TMEM30A: variants seen among roughly 807,000 people sequenced by gnomAD.
The protein encoded by TMEM30A is cell cycle control protein 50A.
TMEM30A carries 24 observed loss-of-function variants against 38.2 expected under a neutral mutation model. That is an observed-to-expected ratio of 0.63 (90% CI 0.46 to 0.88). The LOEUF is 0.88. Ranked by LOEUF, TMEM30A falls within the 40% of genes least tolerant of loss-of-function variation. TMEM30A has a pLI of 0.00. For missense variants in TMEM30A, 370 were observed against 458.6 expected (o/e 0.81, Z 1.77); for synonymous variants, 145 against 161.6 (o/e 0.90, Z 0.78).
chr6:75,267,824 T>G (rs1468220575), intron 1 of TMEM30A, 76 bp from the exon 2 acceptor site: 6 of 971,752 alleles, frequency 6.2e-6, no homozygotes, highest in Non-Finnish European at 9.0e-6. Context: ...GACTTGCTAT[T>G]AAAAGGAAAA....
intron 1 of TMEM30A, among the ~76,000 whole-genome samples, chr6:75,282,147 T>C (rs1228869760): frequency 6.6e-6 from 1 of 152,224 alleles, no homozygotes; most frequent in African/African-American, 2.4e-5. Context: ...CGCAGTCTAA[T>C]CTGAATCTTT....
chr6:75,283,357 C>T (rs1772392892), intron 1 of TMEM30A, among the ~76,000 whole-genome samples: 1 of 149,812 alleles, frequency 6.7e-6, no homozygotes. Context: ...CAGAAGGAAT[C>T]AAGAGAACTT....
intron 1 of TMEM30A, among the ~76,000 whole-genome samples, chr6:75,273,513 G>T (rs938512632): frequency 5.3e-5 from 8 of 151,532 alleles, no homozygotes; most frequent in Non-Finnish European, 7.4e-5. Flanking sequence ...TAGGTGGTAT[G>T]GCAATACAAG....
chr6:75,272,117 C>T (rs558882533), intron 1 of TMEM30A, among the ~76,000 whole-genome samples: 1 of 152,324 alleles, frequency 6.6e-6, no homozygotes, highest in East Asian at 1.9e-4. Flanking sequence ...AAACTATATA[C>T]TGTATTTCAC....
rs1771859884 is a variant in TMEM30A, at chr6:75,256,013, C to T, written c.*89G>A. ...AAGTTATGTGCCAACTTCAAAATGA[C>T]ATACTAACCAGATATCAGCATTCGA... On this transcript the variant is annotated 3_prime_UTR_variant, in exon 7 of 7. Transcript: ENST00000230461. The T allele has an allele frequency of 5.6e-6, 5 of 886,410 alleles. No individual in the cohort carries two copies. Among genetic ancestry groups the T allele is most frequent in the Non-Finnish European group, 8.3e-6 (5 of 600,844 alleles). 54.9% of individuals were successfully genotyped at this position (886,410 alleles called of 1,614,324 possible).
chr6:75,273,923 G>A (rs1772216671), intron 1 of TMEM30A, among the ~76,000 whole-genome samples: 1 of 152,206 alleles, frequency 6.6e-6, no homozygotes, highest in Non-Finnish European at 1.5e-5. Flanking sequence ...ATTCAAACCT[G>A]AGTCCCTATT....
intron 3 of TMEM30A, among the ~76,000 whole-genome samples, chr6:75,262,784 T>A (rs1181012696): frequency 6.6e-6 from 1 of 152,246 alleles, no homozygotes; most frequent in East Asian, 1.9e-4. Flanking sequence ...CAACTCAAAA[T>A]GTAACAGGGG....
chr6:75,274,178 T>C (rs928976460), intron 1 of TMEM30A, among the ~76,000 whole-genome samples: 29 of 152,170 alleles, frequency 1.9e-4, no homozygotes, highest in African/African-American at 5.6e-4. Context: ...GAAAATGTGA[T>C]AGAATAAGAA....
chr6:75,269,118 A>C, intron 1 of TMEM30A, among the ~76,000 whole-genome samples: 1 of 152,184 alleles, frequency 6.6e-6, no homozygotes, highest in South Asian at 2.1e-4. Context: ...CTCACACCAC[A>C]GTGGTACATT....
At chr6:75,279,131 G>A (rs1286736828) in intron 1 of TMEM30A, among the ~76,000 whole-genome samples, 1 of 139,440 alleles carries the variant, frequency 7.2e-6, no homozygotes, top group Non-Finnish European at 1.6e-5. Context: ...GGGGGGGTGG[G>A]CAGGGAGGGA....
chr6:75,281,355 A>C (rs919434721), intron 1 of TMEM30A, among the ~76,000 whole-genome samples: 2 of 152,144 alleles, frequency 1.3e-5, no homozygotes, highest in African/African-American at 4.8e-5. Flanking sequence ...AATTAAAGGA[A>C]ATCTTCATTC....
At chr6:75,259,117 T>C (rs1771920177) in intron 5 of TMEM30A, 131 bp from the exon 6 acceptor site, 1 of 869,850 alleles carries the variant, frequency 1.1e-6, no homozygotes, top group South Asian at 1.8e-5. Flanking sequence ...TTTTAAAATA[T>C]TATAGCTGAA....
intron 1 of TMEM30A, among the ~76,000 whole-genome samples, chr6:75,278,498 C>G (rs1421566463): frequency 2.6e-5 from 4 of 152,162 alleles, no homozygotes; most frequent in Non-Finnish European, 5.9e-5. Context: ...ATCCCTTCTT[C>G]CACATTGCTA....
At chr6:75,259,056 A>T in intron 5 of TMEM30A, 70 bp from the exon 6 acceptor site, 1 of 1,333,456 alleles carries the variant, frequency 7.5e-7, no homozygotes, top group Non-Finnish European at 1.0e-6. Flanking sequence ...CGGAGAAACG[A>T]ATAAATTTGG....
chr6:75,258,733 C>T, intron 6 of TMEM30A, 47 bp downstream of exon 6: 2 of 1,565,514 alleles, frequency 1.3e-6, no homozygotes, highest in Non-Finnish European at 1.8e-6. Context: ...TTGGACTCGA[C>T]TCCTTTCAAG....
Position 75,255,796 on chromosome 6 carries a change from T to C in TMEM30A, c.*306A>G, listed in dbSNP as rs1047337981. ...CAACACAGCATAAAGATTTAAGCAG[T>C]AGACACAAGTCACATGAAAGAGGCT... On this transcript the variant is annotated 3_prime_UTR_variant, in exon 7 of 7. Coordinates refer to ENST00000230461, the MANE Select transcript of TMEM30A (RefSeq NM_018247.4). The C allele has an allele frequency of 1.3e-5, 3 of 229,278 alleles. No individual in the cohort carries two copies. Among genetic ancestry groups the C allele is most frequent in the Non-Finnish European group, 2.6e-5 (3 of 117,206 alleles). The allele number at this position is 229,278 out of a possible 1,614,324, so 14.2% of individuals were successfully genotyped here.
rs1401726493 is a variant in TMEM30A at position 75,253,318 on chromosome 6, T to C, written c.*2784A>G. The C allele has an allele frequency of 6.6e-6, 1 of 152,202 alleles. No individual in the cohort carries two copies. Among genetic ancestry groups the C allele is most frequent in the Non-Finnish European group, 1.5e-5 (1 of 68,016 alleles). The allele number at this position is 152,202 out of a possible 1,614,324, so 9.4% of individuals were successfully genotyped here. ...GTACCCCACTTCATTATTTCCATCA[T>C]GCTTACCTCTCTGTTTACTGGACAT... On this transcript the variant is annotated 3_prime_UTR_variant, in exon 7 of 7. Coordinates refer to ENST00000230461, the MANE Select transcript of TMEM30A (RefSeq NM_018247.4).
chr6:75,259,169 G>A (rs1771920783), intron 5 of TMEM30A, among the ~76,000 whole-genome samples, 178 bp downstream of exon 5: 1 of 152,164 alleles, frequency 6.6e-6, no homozygotes, highest in Non-Finnish European at 1.5e-5. Context: ...ATAATTAAAA[G>A]TATACATTTC....
intron 3 of TMEM30A, among the ~76,000 whole-genome samples, chr6:75,263,807 A>T (rs1772014760): frequency 6.6e-6 from 1 of 152,178 alleles, no homozygotes; most frequent in African/African-American, 2.4e-5. Context: ...GAAAAAGTTG[A>T]TCTATTCCTG....
Sources: gnomAD v4.1 joint callset for allele counts (sites outside exome capture counted in the v4.1 genomes callset) on GRCh38, gnomAD v4.1.1 for gene constraint, MANE v1.5 for transcripts, NCBI Gene and HGNC (gene_info 2026-07-23, HGNC 2026-07-21) for gene names.